Variants in SYAP1 observed in about 807,000 individuals in gnomAD.
SYAP1 encodes the protein synapse-associated protein 1.
A neutral mutation model predicts 29.6 loss-of-function variants in SYAP1; 3 were observed. That is an observed-to-expected ratio of 0.10 (90% CI 0.05 to 0.26). The LOEUF is 0.26. Among genes scored for constraint, SYAP1 ranks in the 10% least tolerant of loss-of-function variants. The pLI, the probability that SYAP1 is intolerant of heterozygous loss-of-function variation, is 1.00. For synonymous variants in SYAP1, 102 were observed against 102.7 expected (o/e 0.99, Z 0.04); for missense variants, 217 against 264.1 (o/e 0.82, Z 1.24).
In SYAP1 at chrX:16,719,829, T is replaced by C. The variant is rs780793308; in HGVS notation, c.105T>C (p.Ala35=). ...CCGAGCAGCCGTCCGAGACGGTGGCTGAGTCTGCGGAGGAGGAGCTGCAGC... is the reference window on the plus strand; with the variant it reads ...CCGAGCAGCCGTCCGAGACGGTGGCCGAGTCTGCGGAGGAGGAGCTGCAGC... ...APPEQPSETV[A]ESAEEELQQA... is the part of the protein sequence containing the mutation. Residue 35 remains alanine, a synonymous_variant, in exon 1 of 9, where the codon GCT becomes GCC. Transcript: ENST00000380155. 4 of 1,197,737 alleles carry C rather than the reference T, an allele frequency of 3.3e-6. No individual in the cohort carries two copies. The South Asian group carries it at 5.5e-5, about 16-fold the overall frequency.
At chrX:16,727,588 C>A (rs1440530988) in intron 1 of SYAP1, among the ~76,000 whole-genome samples, 1 of 112,182 alleles carries the variant, frequency 8.9e-6, no homozygotes, top group Admixed American at 9.5e-5. Context: ...GGTGATCCAC[C>A]CACCTCGGCC....
At chrX:16,752,232 C>T (rs912669214) in intron 5 of SYAP1, among the ~76,000 whole-genome samples, 1 of 108,875 alleles carries the variant, frequency 9.2e-6, no homozygotes, top group Non-Finnish European at 1.9e-5. Flanking sequence ...CTGCCTTGGC[C>T]TCCCAAAGGC....
chrX:16,723,900 G>C (rs1926023890), intron 1 of SYAP1, among the ~76,000 whole-genome samples: 1 of 110,985 alleles, frequency 9.0e-6, no homozygotes, highest in Non-Finnish European at 1.9e-5. Flanking sequence ...ATGAGCTTGG[G>C]ATTTAGAGGC....
At chrX:16,726,506 C>T (rs1049938094) in intron 1 of SYAP1, among the ~76,000 whole-genome samples, 1 of 111,214 alleles carries the variant, frequency 9.0e-6, no homozygotes, top group Non-Finnish European at 1.9e-5. Flanking sequence ...TGTTACATCC[C>T]AGCCTTTGTA....
At chrX:16,740,922 T>A (rs1026630229) in intron 3 of SYAP1, among the ~76,000 whole-genome samples, 1 of 111,575 alleles carries the variant, frequency 9.0e-6, no homozygotes, top group African/African-American at 3.3e-5. Context: ...CATTCCAACA[T>A]CCTTTCTTTG....
At chrX:16,732,515 G>T (rs1192853004) in intron 1 of SYAP1, among the ~76,000 whole-genome samples, 1 of 109,978 alleles carries the variant, frequency 9.1e-6, no homozygotes, top group South Asian at 3.9e-4. Context: ...CTCGTGATCT[G>T]CCCGCCTCGG....
At chrX:16,740,342 CTTTTTTTTTTTT>C (rs57231597) in intron 3 of SYAP1, among the ~76,000 whole-genome samples, 1 of 90,450 alleles carries the variant, frequency 1.1e-5, no homozygotes, top group Non-Finnish European at 2.2e-5. Flanking sequence ...TTGTGCATTT[CTTTTTTTTTTTT>C]TTTTTAGCTC....
intron 6 of SYAP1, among the ~76,000 whole-genome samples, chrX:16,755,807 T>C (rs1315221631): frequency 1.8e-5 from 2 of 112,408 alleles, no homozygotes; most frequent in Non-Finnish European, 3.7e-5. Context: ...TTTTGTGTCA[T>C]AGTTTAAATT....
intron 4 of SYAP1, among the ~76,000 whole-genome samples, chrX:16,743,194 A>G (rs1471073872): frequency 9.3e-6 from 1 of 107,306 alleles, no homozygotes; most frequent in Non-Finnish European, 1.9e-5. Context: ...CAGGCGTGCT[A>G]GCACACACCT....
intron 5 of SYAP1, among the ~76,000 whole-genome samples, chrX:16,747,769 A>G (rs534949418): frequency 1.8e-5 from 2 of 112,924 alleles, no homozygotes; most frequent in South Asian, 7.1e-4. Flanking sequence ...GTTTTTATTT[A>G]TAAGTCCTTA....
intron 1 of SYAP1, among the ~76,000 whole-genome samples, chrX:16,724,096 T>C (rs1926027947): frequency 8.9e-6 from 1 of 112,317 alleles, no homozygotes; most frequent in Admixed American, 9.5e-5. Flanking sequence ...CAGCATATAG[T>C]TGTATTCATG....
intron 5 of SYAP1, among the ~76,000 whole-genome samples, chrX:16,750,292 A>G (rs1926701766): frequency 8.9e-6 from 1 of 112,189 alleles, no homozygotes; most frequent in East Asian, 2.8e-4. Context: ...CTCGTGGTCA[A>G]CTATAATCCC....
chrX:16,758,036 T>C (rs1463890171), intron 8 of SYAP1, among the ~76,000 whole-genome samples: 2 of 111,574 alleles, frequency 1.8e-5, no homozygotes, highest in African/African-American at 6.5e-5. Flanking sequence ...AGGAGCAGGC[T>C]GCTTTTAAAA....
intron 5 of SYAP1, among the ~76,000 whole-genome samples, chrX:16,753,145 G>C (rs1439140955): frequency 2.8e-5 from 3 of 108,586 alleles, no homozygotes; most frequent in Non-Finnish European, 5.7e-5. Flanking sequence ...TCAGGAGGCT[G>C]AGGCAGGAGA....
intron 3 of SYAP1, among the ~76,000 whole-genome samples, chrX:16,739,120 A>G (rs916384619): frequency 8.9e-6 from 1 of 111,925 alleles, no homozygotes; most frequent in Admixed American, 9.6e-5. Flanking sequence ...AATGGAGACT[A>G]AAGTGTGTGA....
At position 16,756,687 on chromosome X, in the gene SYAP1, C is replaced by A; in HGVS notation, c.749C>A (p.Pro250His). Reference protein sequence around the residue: ...LAEAVRPKTPPVVIKSQLKTQ... With the variant: ...LAEAVRPKTPHVVIKSQLKTQ... ...GAGGCAGTACGGCCCAAAACGCCAC[C>A]CGTTGTAATCAAATCTCAGCTTAAA... The change falls in exon 7 of 9, where the codon CCC becomes CAC. Residue 250 changes from proline (P) to histidine (H), a missense_variant. By Grantham distance (77) the Pro-to-His change is moderately conservative. Coordinates refer to ENST00000380155, the MANE Select transcript of SYAP1 (RefSeq NM_032796.4). 1 of 1,211,297 alleles carries A rather than the reference C, an allele frequency of 8.3e-7. No individual in the cohort carries two copies. Among genetic ancestry groups the A allele is most frequent in the Non-Finnish European group, 1.1e-6 (1 of 895,133 alleles).
At chrX:16,737,561 TC>T in intron 3 of SYAP1, among the ~76,000 whole-genome samples, 1 of 111,807 alleles carries the variant, frequency 8.9e-6, no homozygotes, top group Admixed American at 9.6e-5. Context: ...GCAAAAGTGA[TC>T]CTGGCTTGGG....
Position 16,735,219 on chromosome X carries a change from C to T in SYAP1, c.176-8C>T, listed in dbSNP as rs761117654. On this transcript the variant is annotated splice_polypyrimidine_tract_variant and splice_region_variant and intron_variant, in intron 1 of 8. Transcript: ENST00000380155. ...ATAATAACCACAGATTCTTTTTATTCTTTACAGACTATTTATTTAACTTTG... is the reference window on the plus strand; with the variant it reads ...ATAATAACCACAGATTCTTTTTATTTTTTACAGACTATTTATTTAACTTTG... The T allele has an allele frequency of 3.0e-4, 334 of 1,110,919 alleles. No homozygotes were observed. The highest frequency in any genetic ancestry group is 3.8e-4 in the Non-Finnish European group (310 of 819,753). 91.6% of individuals were successfully genotyped at this position (1,110,919 alleles called of 1,213,427 possible). A position where few individuals can be genotyped will look rare whatever the true frequency, so the allele number is the denominator to read the frequency against.
chrX:16,748,760 C>CA (rs1926662358), intron 5 of SYAP1, among the ~76,000 whole-genome samples: 1 of 93,959 alleles, frequency 1.1e-5, no homozygotes. Flanking sequence ...TTTTTTTTTT[C>CA]TTTTTTTTTT....
Sources: allele counts gnomAD v4.1 joint callset (sites outside exome capture counted in the v4.1 genomes callset), GRCh38; gene constraint gnomAD v4.1.1; transcripts MANE v1.5; gene names NCBI Gene and HGNC (gene_info 2026-07-23, HGNC 2026-07-21).